ARID3A: variants seen among roughly 807,000 people sequenced by gnomAD.
The protein encoded by ARID3A is AT-rich interactive domain-containing protein 3A.
In ARID3A, 11 loss-of-function variants were observed where a neutral mutation model predicts 52.7. That is an observed-to-expected ratio of 0.21 (90% confidence interval 0.13 to 0.35). ARID3A has a LOEUF of 0.35. Among genes scored for constraint, ARID3A ranks in the 10% least tolerant of loss-of-function variants. ARID3A has a pLI of 1.00. For missense variants in ARID3A, 721 were observed against 838.5 expected (o/e 0.86, Z 1.73); for synonymous variants, 404 against 359.4 (o/e 1.12, Z -1.40).
chr19:931,702 A>G (rs5015042), intron 2 of ARID3A, among the ~76,000 whole-genome samples: 51,582 of 151,252 alleles, frequency 0.34, 10,973 homozygotes, highest in African/African-American at 0.58. Context: ...AGTCCCAGCT[A>G]CTTGGGAGGC....
chr19:954,593 C>T (rs1436702458), intron 3 of ARID3A, among the ~76,000 whole-genome samples: 1 of 152,222 alleles, frequency 6.6e-6, no homozygotes, highest in Non-Finnish European at 1.5e-5. Flanking sequence ...CAGCTGGGGC[C>T]ATGCGAGGGC....
chr19:942,840 C>T lies in ARID3A; in HGVS notation c.693+10098C>T, dbSNP rs1178432858. 1.3e-5 allele frequency among the ~76,000 whole-genome samples: 2 copies of T among 152,306 alleles called. No homozygotes were observed. Among genetic ancestry groups the T allele is most frequent in the African/African-American group, 4.8e-5 (2 of 41,568 alleles). On this transcript the variant is annotated intron_variant, in intron 3 of 8. Transcript: ENST00000263620. This position sits in a 1 kb window ranked among gnomAD's most constrained non-coding sequence, Gnocchi z 8.1. ...AAGAACCCGCCTTCCGGGAGGAGCC[C>T]CGTCTGGATTGGATGGCATCGCCCA... is the stretch of plus-strand genomic sequence containing the variant.
rs758137942 is a variant in ARID3A, at chr19:929,819, G to A, written c.291G>A (p.Gly97=). Residue 97 remains glycine (G), a synonymous_variant, in exon 2 of 9, where the codon GGG becomes GGA. Coordinates refer to ENST00000263620, the MANE Select transcript of ARID3A (RefSeq NM_005224.3). This position sits in a 1 kb window ranked among gnomAD's most constrained non-coding sequence, Gnocchi z 6.2. ...AGGAGGAGGACGCGGCCCGGGAGGGGACACCGGGCTCACCCGGGCGAGGCA... is the reference window on the plus strand; with the variant it reads ...AGGAGGAGGACGCGGCCCGGGAGGGAACACCGGGCTCACCCGGGCGAGGCA... The part of the protein sequence containing the change: ...GSEEEDAARE[G]TPGSPGRGRE... 4 of 1,546,002 alleles carry A rather than the reference G, an allele frequency of 2.6e-6. No individual in the cohort carries two copies. Among genetic ancestry groups the A allele is most frequent in the South Asian group, 1.2e-5 (1 of 84,212 alleles).
rs368903964 is a variant in ARID3A, at chr19:940,979, G to A, written c.693+8237G>A. Among the ~76,000 whole-genome samples the A allele has an allele frequency of 5.8e-4, 88 of 152,206 alleles. 1 individual carries two copies. In the East Asian group the frequency reaches 0.014, roughly 24 times the overall value. ...CCCGGCCCGTGCCCGTGCCAGGAGCGTCGCTGACTCAGCCGGAAGAGCCTT... is the reference window on the plus strand; with the variant it reads ...CCCGGCCCGTGCCCGTGCCAGGAGCATCGCTGACTCAGCCGGAAGAGCCTT... On this transcript the variant is annotated intron_variant, in intron 3 of 8. Transcript: ENST00000263620.
intron 3 of ARID3A, among the ~76,000 whole-genome samples, chr19:953,479 C>T (rs540268184): frequency 2.7e-5 from 4 of 150,124 alleles, no homozygotes; most frequent in Admixed American, 6.6e-5. Flanking sequence ...TCCCACACCC[C>T]CCCCCGTGCA....
In ARID3A at chr19:960,239, G is replaced by C; in HGVS notation, c.766+75G>C. Reference sequence around the variant, plus strand: ...TGTAGGAGGGGCCCTACTGGCTCCAGGTATGTCGGGGCGGTGGTGAGCACC... The same window carrying C: ...TGTAGGAGGGGCCCTACTGGCTCCACGTATGTCGGGGCGGTGGTGAGCACC... On this transcript the variant is annotated intron_variant, in intron 4 of 8. Transcript: ENST00000263620. The surrounding 1 kb of genome is among the most constrained non-coding windows in gnomAD (Gnocchi z 4.3). 1.4e-6 allele frequency: 2 copies of C among 1,395,572 alleles called. No homozygotes were observed. Among genetic ancestry groups the C allele is most frequent in the Non-Finnish European group, 9.9e-7 (1 of 1,014,840 alleles). 86.4% of individuals were successfully genotyped at this position (1,395,572 alleles called of 1,614,324 possible).
chr19:935,601 C>T (rs113765450), intron 3 of ARID3A, among the ~76,000 whole-genome samples: 10,974 of 152,190 alleles, frequency 0.072, 406 homozygotes, highest in Admixed American at 0.11. Flanking sequence ...CCTCAGCCTC[C>T]TGAGTAGCTG....
rs572011290 is a variant in ARID3A at position 931,310 on chromosome 19, G to A, written c.369-1108G>A. Among the ~76,000 whole-genome samples, 72 of 151,788 alleles carry A rather than the reference G, an allele frequency of 4.7e-4. 2 individuals are homozygous for A. In the South Asian group the frequency reaches 8.8e-3, roughly 18 times the overall value. The stretch of plus-strand genomic sequence containing the variant: ...CCTGTCTCAAAAAACAAAACTGGCC[G>A]GGTGCAGTGGCTCATGCCTGTAATC... On this transcript the variant is annotated intron_variant, in intron 2 of 8. Transcript: ENST00000263620.
At chr19:963,545 C>T (rs1010305067) in intron 4 of ARID3A, among the ~76,000 whole-genome samples, 4 of 152,066 alleles carry the variant, frequency 2.6e-5, no homozygotes, top group East Asian at 3.9e-4. Context: ...GCTGGAAGGG[C>T]GGGGAGGGGC....
At chr19:946,230 T>G (rs563992232) in intron 3 of ARID3A, among the ~76,000 whole-genome samples, 6 of 152,110 alleles carry the variant, frequency 3.9e-5, no homozygotes, top group African/African-American at 7.2e-5. Flanking sequence ...TTTTTGTTTT[T>G]TTTACTTTTA....
At chr19:939,125 A>T (rs964225450) in intron 3 of ARID3A, among the ~76,000 whole-genome samples, 20 of 144,912 alleles carry the variant, frequency 1.4e-4, no homozygotes, top group Non-Finnish European at 2.4e-4. Flanking sequence ...TTATTTATTT[A>T]TTATTATTAT....
rs141423769 is a variant in ARID3A, at chr19:971,909, G to A, written c.1626G>A (p.Thr542=). Residue 542 remains threonine, a synonymous_variant, in exon 9 of 9, where the codon ACG becomes ACA. Coordinates refer to ENST00000263620, the MANE Select transcript of ARID3A (RefSeq NM_005224.3). ...TGTTTGCTCAGCCGCCGGCCCCCAC[G>A]CCAACCTCTGCTCCCAACAAAGGAG... ...GVLFAQPPAP[T]PTSAPNKGGG... is the part of the protein sequence containing the mutation. 21 of 1,602,370 alleles carry A rather than the reference G, an allele frequency of 1.3e-5. No individual in the cohort carries two copies. The highest frequency in any genetic ancestry group is 8.5e-5 in the Admixed American group (5 of 58,906).
Position 972,826 on chromosome 19 carries a change from A to AAAAAAAAAAAAAAC in ARID3A, c.*766_*767insAAAAAAAACAAAAA, listed in dbSNP as rs2038308801. ...CAAAAAAAAAAAAAAAAAAAAAAAA[A>AAAAAAAAAAAAAAC]AAAAACTCACCTTTTTATTTTTCCC... On this transcript the variant is annotated 3_prime_UTR_variant, in exon 9 of 9. Coordinates refer to ENST00000263620, the MANE Select transcript of ARID3A (RefSeq NM_005224.3). 7.3e-6 allele frequency: 1 copy of AAAAAAAAAAAAAAC among 136,728 alleles called. No homozygotes were observed. Among genetic ancestry groups the AAAAAAAAAAAAAAC allele is most frequent in the African/African-American group, 3.1e-5 (1 of 32,328 alleles). The allele number at this position is 136,728 out of a possible 1,614,324, so 8.5% of individuals were successfully genotyped here.
intron 8 of ARID3A, among the ~76,000 whole-genome samples, chr19:970,504 T>C (rs956314201): frequency 2.3e-4 from 31 of 134,030 alleles, no homozygotes; most frequent in Non-Finnish European, 3.7e-4. Flanking sequence ...TTTTCTTTTT[T>C]TTTTTTTTTT....
intron 4 of ARID3A, among the ~76,000 whole-genome samples, chr19:962,387 C>T (rs1208931900): frequency 1.3e-5 from 2 of 152,182 alleles, no homozygotes; most frequent in African/African-American, 2.4e-5. Context: ...ACAACCTCCC[C>T]ACCCTTCCTT....
In ARID3A at chr19:947,032, C is replaced by A. The variant is rs1417613916; in HGVS notation, c.694-13060C>A. Among the ~76,000 whole-genome samples the A allele has an allele frequency of 1.3e-5, 2 of 150,330 alleles. No homozygotes were observed. Among genetic ancestry groups the A allele is most frequent in the Non-Finnish European group, 3.0e-5 (2 of 67,590 alleles). ...CGGGTCTCAAACTCCTGGGCTCGAG[C>A]AGTCTGCCCACCTCGGCCTCCCACA... On this transcript the variant is annotated intron_variant, in intron 3 of 8. Transcript: ENST00000263620. This position sits in a 1 kb window ranked among gnomAD's most constrained non-coding sequence, Gnocchi z 6.3.
intron 6 of ARID3A, among the ~76,000 whole-genome samples, chr19:966,355 G>C (rs1439763160): frequency 1.3e-4 from 19 of 151,306 alleles, no homozygotes; most frequent in Non-Finnish European, 2.7e-4. Flanking sequence ...CTACTAGGGA[G>C]GCTAAGGCAG....
At chr19:937,699 C>CTTTTT (rs951435776) in intron 3 of ARID3A, among the ~76,000 whole-genome samples, 18 of 90,796 alleles carry the variant, frequency 2.0e-4, no homozygotes, top group South Asian at 4.1e-4. Flanking sequence ...TTATTGTCGA[C>CTTTTT]TTTTTTTTTT....
At position 960,186 on chromosome 19, in the gene ARID3A, C is replaced by A; in HGVS notation, c.766+22C>A. On this transcript the variant is annotated intron_variant, in intron 4 of 8. Coordinates refer to ENST00000263620, the MANE Select transcript of ARID3A (RefSeq NM_005224.3). This position sits in a 1 kb window ranked among gnomAD's most constrained non-coding sequence, Gnocchi z 4.3. ...CGAGGTGAGCCCTCTGCCCCCACCC[C>A]GCTGGAGGGAGGTCACAGAAACAGG... is the stretch of plus-strand genomic sequence containing the variant. 1 of 1,597,014 alleles carries A rather than the reference C, an allele frequency of 6.3e-7. No individual in the cohort carries two copies. The highest frequency in any genetic ancestry group is 8.6e-7 in the Non-Finnish European group (1 of 1,168,684).
Sources: gnomAD v4.1 joint callset for allele counts (sites outside exome capture counted in the v4.1 genomes callset) on GRCh38, gnomAD v4.1.1 for gene constraint, Gnocchi (gnomAD v3.1) non-coding constraint, MANE v1.5 for transcripts, NCBI Gene and HGNC (gene_info 2026-07-23, HGNC 2026-07-21) for gene names.